Variants in PRUNE2 observed in about 807,000 individuals in gnomAD.
PRUNE2 encodes the protein protein prune homolog 2.
A neutral mutation model predicts 252.0 loss-of-function variants in PRUNE2; 164 were observed. The ratio of observed to expected loss-of-function variants is 0.65; its 90% CI spans 0.57 to 0.74. The LOEUF is 0.74. PRUNE2 is among the 30% of genes least tolerant of loss of function. The pLI, the probability that PRUNE2 is intolerant of heterozygous loss-of-function variation, is 0.00. For synonymous variants in PRUNE2, 1,292 were observed against 1,350.2 expected (o/e 0.96, Z 0.94); for missense variants, 3,495 against 3,711.0 (o/e 0.94, Z 1.51).
intron 9 of PRUNE2, among the ~76,000 whole-genome samples, chr9:76,669,917 G>C (rs959428179): frequency 6.6e-6 from 1 of 152,194 alleles, no homozygotes; most frequent in Non-Finnish European, 1.5e-5. Context: ...CTTCAGGGAA[G>C]CATCTACCCC....
intron 6 of PRUNE2, among the ~76,000 whole-genome samples, chr9:76,715,353 A>G (rs911963089): frequency 4.6e-5 from 7 of 152,232 alleles, no homozygotes; most frequent in African/African-American, 1.7e-4. Flanking sequence ...AGGGCACACA[A>G]GACCCTGGGT....
At chr9:76,702,757 A>G (rs370230284) in intron 9 of PRUNE2, among the ~76,000 whole-genome samples, 1 of 152,214 alleles carries the variant, frequency 6.6e-6, no homozygotes, top group Middle Eastern at 3.2e-3. Context: ...ACATAAAACC[A>G]GAAAATGCCT....
chr9:76,824,175 C>T (rs1180801624), intron 5 of PRUNE2, among the ~76,000 whole-genome samples: 1 of 152,180 alleles, frequency 6.6e-6, no homozygotes, highest in Non-Finnish European at 1.5e-5. Flanking sequence ...CTGTTCCTAA[C>T]TCTTCCTATT....
intron 6 of PRUNE2, among the ~76,000 whole-genome samples, chr9:76,803,271 T>C (rs2131595735): frequency 6.6e-6 from 1 of 152,294 alleles, no homozygotes; most frequent in East Asian, 1.9e-4. Flanking sequence ...ACAGAAGCAT[T>C]TACAAAGACG....
At chr9:76,725,818 T>A (rs1302881714) in intron 6 of PRUNE2, among the ~76,000 whole-genome samples, 5 of 152,228 alleles carry the variant, frequency 3.3e-5, no homozygotes, top group Non-Finnish European at 7.3e-5. Context: ...TGTTTGGAGA[T>A]GGCTGTGTTT....
intron 1 of PRUNE2, among the ~76,000 whole-genome samples, chr9:76,873,040 G>A (rs2061305171): frequency 6.6e-6 from 1 of 152,118 alleles, no homozygotes; most frequent in Non-Finnish European, 1.5e-5. Flanking sequence ...GACACAGGGA[G>A]AAGCCCATCC....
chr9:76,696,706 A>G (rs533413797), intron 9 of PRUNE2, among the ~76,000 whole-genome samples: 4 of 152,340 alleles, frequency 2.6e-5, no homozygotes, highest in East Asian at 3.9e-4. Context: ...GATTACAGGC[A>G]TGAGGCGCCA....
At position 76,705,819 on chromosome 9, in the gene PRUNE2, T is replaced by A. The variant is rs552501087; in HGVS notation, c.6455A>T (p.Glu2152Val). The change falls in exon 8 of 19, where the codon GAG (glutamate) becomes GTG (valine). Residue 2152 changes from glutamate to valine, a missense_variant. Glu to Val is a moderately radical substitution (Grantham distance 121). Coordinates refer to ENST00000376718, the MANE Select transcript of PRUNE2 (RefSeq NM_015225.3). ...GAGTTCTGCATTGGATGGGACAAAC[T>A]CCCGTCCAGGCTCATAAATGGGTTC... ...DEEPIYEPGR[E>V]FVPSNAELDS... The A allele has an allele frequency of 6.1e-5, 98 of 1,613,666 alleles. 1 individual carries two copies. The South Asian group carries it at 1.1e-3, about 18-fold the overall frequency.
chr9:76,900,195 C>T (rs1043466915), intron 1 of PRUNE2, among the ~76,000 whole-genome samples: 2 of 152,138 alleles, frequency 1.3e-5, no homozygotes, highest in African/African-American at 4.8e-5. Flanking sequence ...GTGGAAAGAC[C>T]CACCATTGTT....
chr9:76,850,993 T>C (rs1159982208), intron 2 of PRUNE2, among the ~76,000 whole-genome samples: 10 of 152,044 alleles, frequency 6.6e-5, no homozygotes, highest in Admixed American at 6.6e-4. Flanking sequence ...GTATATAAAT[T>C]TAAATATATG....
At chr9:76,851,244 T>C (rs78344728) in intron 2 of PRUNE2, among the ~76,000 whole-genome samples, 2,828 of 152,162 alleles carry the variant, frequency 0.019, 95 homozygotes, top group African/African-American at 0.064. Flanking sequence ...AGGCCCAGTG[T>C]AGTTAAAACT....
intron 1 of PRUNE2, among the ~76,000 whole-genome samples, chr9:76,874,702 CA>C (rs562973309): frequency 1.2e-3 from 176 of 152,164 alleles, no homozygotes; most frequent in African/African-American, 3.9e-3. Flanking sequence ...ACAAACCTAA[CA>C]GAAATAATGC....
Position 76,705,262 on chromosome 9 carries a change from C to T in PRUNE2, c.7012G>A (p.Gly2338Arg). ...TCAGATGAGCAGATATCTTGCTTCC[C>T]TAGGTCCCCATCAACTGGCGTTTCC... ...HPETPVDGDL[G>R]KQDICSSEAS... The change falls in exon 8 of 19, where the codon GGG becomes AGG. Residue 2338 changes from glycine (G) to arginine (R), a missense_variant. Gly to Arg is a moderately radical substitution (Grantham distance 125, BLOSUM62 -2). Transcript: ENST00000376718. 1 of 1,614,030 alleles carries T rather than the reference C, an allele frequency of 6.2e-7. No individual in the cohort carries two copies. The highest frequency in any genetic ancestry group is 2.2e-5 in the East Asian group (1 of 44,888).
chr9:76,792,970 G>C (rs374705114), intron 6 of PRUNE2, among the ~76,000 whole-genome samples: 1 of 152,304 alleles, frequency 6.6e-6, no homozygotes, highest in Non-Finnish European at 1.5e-5. Flanking sequence ...TCCCTGAAAG[G>C]GGGGGCTTAC....
chr9:76,779,909 A>G (rs1024712354), intron 6 of PRUNE2: 4 of 152,252 alleles, frequency 2.6e-5, no homozygotes, highest in African/African-American at 9.6e-5. Context: ...TTTTTCACAA[A>G]GAAATCGCAT....
intron 6 of PRUNE2, among the ~76,000 whole-genome samples, chr9:76,803,189 A>G (rs1011652144): frequency 6.6e-6 from 1 of 152,202 alleles, no homozygotes; most frequent in Non-Finnish European, 1.5e-5. Flanking sequence ...AAATGTTGTG[A>G]TATCATGGTC....
intron 6 of PRUNE2, among the ~76,000 whole-genome samples, chr9:76,725,076 G>A (rs1298115750): frequency 6.6e-6 from 1 of 152,054 alleles, no homozygotes; most frequent in Non-Finnish European, 1.5e-5. Context: ...TGAGCCATGA[G>A]CCTGAACACT....
intron 17 of PRUNE2, 47 bp downstream of exon 17, chr9:76,624,405 A>G (rs1649058499): frequency 1.5e-6 from 2 of 1,327,072 alleles, no homozygotes; most frequent in Non-Finnish European, 2.0e-6. Context: ...CAGTTCTGAA[A>G]TGCAAGCCAA....
At chr9:76,828,068 A>G (rs1178763011) in intron 4 of PRUNE2, among the ~76,000 whole-genome samples, 1 of 152,246 alleles carries the variant, frequency 6.6e-6, no homozygotes, top group Non-Finnish European at 1.5e-5. Flanking sequence ...CAAATAAGTA[A>G]GCACAGACAT....
Sources: allele counts gnomAD v4.1 joint callset (sites outside exome capture counted in the v4.1 genomes callset), GRCh38; gene constraint gnomAD v4.1.1; transcripts MANE v1.5; gene names NCBI Gene and HGNC (gene_info 2026-07-23, HGNC 2026-07-21).